The following TRDN variants were observed in gnomAD, a reference collection of about 807,000 sequenced individuals.
TRDN encodes the protein triadin.
In TRDN, 161 loss-of-function variants were observed where a neutral mutation model predicts 149.7. The ratio of observed to expected loss-of-function variants is 1.08; its 90% CI spans 0.95 to 1.23. The LOEUF is 1.23. Ranked by LOEUF, TRDN falls within the 50% of genes most tolerant of loss-of-function variation. The pLI is 0.00. For synonymous variants in TRDN, 294 were observed against 250.5 expected (o/e 1.17, Z -1.64); for missense variants, 896 against 823.5 (o/e 1.09, Z -1.08).
intron 9 of TRDN, among the ~76,000 whole-genome samples, chr6:123,482,707 G>C (rs1777799439): frequency 6.6e-6 from 1 of 152,070 alleles, no homozygotes; most frequent in African/African-American, 2.4e-5. Context: ...TGACAATATT[G>C]TACTTTTTTC....
intron 5 of TRDN, among the ~76,000 whole-genome samples, chr6:123,524,964 A>C (rs1779874539): frequency 6.6e-6 from 1 of 152,116 alleles, no homozygotes; most frequent in Non-Finnish European, 1.5e-5. Flanking sequence ...ATTGCTTAAC[A>C]TCAGTAACCA....
intron 12 of TRDN, among the ~76,000 whole-genome samples, chr6:123,400,460 T>C (rs115239398): frequency 0.015 from 2,295 of 152,040 alleles, 54 homozygotes; most frequent in African/African-American, 0.052. Context: ...TAGATCCTCA[T>C]AGGGAGCACA....
chr6:123,285,940 T>C (rs1777787376), intron 24 of TRDN, among the ~76,000 whole-genome samples: 1 of 152,090 alleles, frequency 6.6e-6, no homozygotes, highest in African/African-American at 2.4e-5. Context: ...ACATCACTAA[T>C]AATCAGGGAA....
chr6:123,220,354 A>C (rs532804813), intron 40 of TRDN, among the ~76,000 whole-genome samples: 23 of 152,034 alleles, frequency 1.5e-4, no homozygotes, highest in African/African-American at 4.8e-4. Flanking sequence ...ATATTTTAAT[A>C]GTTATTTAAA....
At chr6:123,563,130 A>C (rs1782090564) in intron 2 of TRDN, among the ~76,000 whole-genome samples, 1 of 152,226 alleles carries the variant, frequency 6.6e-6, no homozygotes, top group Non-Finnish European at 1.5e-5. Context: ...TGTTTATGGC[A>C]ATGTAAAACT....
At chr6:123,519,990 A>G (rs1779599088) in intron 5 of TRDN, among the ~76,000 whole-genome samples, 1 of 152,170 alleles carries the variant, frequency 6.6e-6, no homozygotes, top group Non-Finnish European at 1.5e-5. Flanking sequence ...TTTATGAAAG[A>G]GCATGATACA....
chr6:123,338,893 T>C (rs922422895), intron 21 of TRDN, among the ~76,000 whole-genome samples: 3 of 152,162 alleles, frequency 2.0e-5, no homozygotes, highest in Non-Finnish European at 4.4e-5. Flanking sequence ...ATTTTAAAAT[T>C]GGGGAAGGTT....
chr6:123,441,944 T>C (rs1196760410), intron 10 of TRDN: 1 of 152,216 alleles, frequency 6.6e-6, no homozygotes, highest in Non-Finnish European at 1.5e-5. Flanking sequence ...TAAGAACTTG[T>C]TTCTTTAATA....
At chr6:123,334,562 T>C (rs1002696104) in intron 22 of TRDN, among the ~76,000 whole-genome samples, 2 of 152,026 alleles carry the variant, frequency 1.3e-5, no homozygotes, top group Non-Finnish European at 2.9e-5. Context: ...AACAGGATTT[T>C]CTGTTTTCTG....
chr6:123,287,243 C>T (rs1330191136), intron 24 of TRDN, among the ~76,000 whole-genome samples: 1 of 152,076 alleles, frequency 6.6e-6, no homozygotes, highest in Non-Finnish European at 1.5e-5. Flanking sequence ...AAGCACATAT[C>T]CAAATATATT....
intron 8 of TRDN, chr6:123,503,255 C>T (rs1778774804): frequency 1.0e-6 from 1 of 985,172 alleles, no homozygotes; most frequent in South Asian, 4.7e-5. Context: ...TGTGCTCTTG[C>T]CAATGCAACA....
chr6:123,371,210 C>A (rs184616325), intron 19 of TRDN, among the ~76,000 whole-genome samples: 8 of 152,044 alleles, frequency 5.3e-5, no homozygotes. Context: ...AGTTCTTGAA[C>A]CATTTGGAAC....
intron 37 of TRDN, among the ~76,000 whole-genome samples, chr6:123,252,840 C>CA (rs1265572671): frequency 6.6e-6 from 1 of 151,874 alleles, no homozygotes; most frequent in African/African-American, 2.4e-5. Context: ...TGTCAGCTAT[C>CA]AAAAAAGCTA....
intron 23 of TRDN, among the ~76,000 whole-genome samples, chr6:123,331,585 G>A (rs1194741274): frequency 6.6e-6 from 1 of 151,828 alleles, no homozygotes; most frequent in African/African-American, 2.4e-5. Flanking sequence ...TCGCTCTTTG[G>A]ATATTTATAA....
At chr6:123,289,515 G>C (rs573817452) in intron 24 of TRDN, among the ~76,000 whole-genome samples, 2 of 152,218 alleles carry the variant, frequency 1.3e-5, no homozygotes, top group East Asian at 3.9e-4. Flanking sequence ...AGCTAAAACA[G>C]GGCCTCAGTG....
At chr6:123,574,712 T>A (rs2114552749) in intron 1 of TRDN, among the ~76,000 whole-genome samples, 1 of 151,836 alleles carries the variant, frequency 6.6e-6, no homozygotes. Context: ...TATTAGAGAC[T>A]ATTTCTGTAA....
chr6:123,566,839 T>G (rs1408597471), intron 2 of TRDN, among the ~76,000 whole-genome samples: 1 of 152,230 alleles, frequency 6.6e-6, no homozygotes, highest in Non-Finnish European at 1.5e-5. Flanking sequence ...CTTTCATTTT[T>G]ATAATACACA....
At chr6:123,635,646 CTG>C (rs1195531751) in intron 1 of TRDN, among the ~76,000 whole-genome samples, 3 of 151,952 alleles carry the variant, frequency 2.0e-5, no homozygotes, top group Non-Finnish European at 4.4e-5. Context: ...ACAGAAATTA[CTG>C]TGTGTCCATA....
chr6:123,431,454 T>C (rs1042955167), intron 12 of TRDN, among the ~76,000 whole-genome samples: 1 of 152,204 alleles, frequency 6.6e-6, no homozygotes, highest in Non-Finnish European at 1.5e-5. Flanking sequence ...AAAAAATTTA[T>C]CTAGATTTCA....
Sources: gnomAD v4.1 joint callset for allele counts (sites outside exome capture counted in the v4.1 genomes callset) on GRCh38, gnomAD v4.1.1 for gene constraint, MANE v1.5 for transcripts, NCBI Gene and HGNC (gene_info 2026-07-23, HGNC 2026-07-21) for gene names.